The following TRERF1 variants were observed in gnomAD, a reference collection of about 807,000 sequenced individuals.
The protein encoded by TRERF1 is transcriptional regulating factor 1, also known as transcriptional-regulating factor 1.
A neutral mutation model predicts 122.9 loss-of-function variants in TRERF1; 27 were observed. The observed-to-expected ratio is 0.22, with a 90% CI of 0.16 to 0.30. The LOEUF (loss-of-function observed/expected upper bound fraction) is 0.30. Ranked by LOEUF, TRERF1 falls within the 10% of genes least tolerant of loss-of-function variation. The pLI is 1.00. For synonymous variants in TRERF1, 636 were observed against 641.7 expected (o/e 0.99, Z 0.13); for missense variants, 1,248 against 1,560.3 (o/e 0.80, Z 3.37).
chr6:42,322,616 T>C (rs1181889718), intron 3 of TRERF1, among the ~76,000 whole-genome samples: 1 of 151,908 alleles, frequency 6.6e-6, no homozygotes, highest in African/African-American at 2.4e-5. Flanking sequence ...AATAATTTAA[T>C]AAATGAACAA....
At chr6:42,350,614 G>C (rs566985846) in intron 3 of TRERF1, among the ~76,000 whole-genome samples, 5 of 152,084 alleles carry the variant, frequency 3.3e-5, no homozygotes, top group Admixed American at 1.3e-4. Context: ...TCTTGATGAC[G>C]AGTTTAAACC....
At chr6:42,290,087 C>T (rs1437919830) in intron 4 of TRERF1, among the ~76,000 whole-genome samples, 1 of 152,208 alleles carries the variant, frequency 6.6e-6, no homozygotes, top group Non-Finnish European at 1.5e-5. Flanking sequence ...TGAGAACAGG[C>T]AGTCACTGAA....
intron 3 of TRERF1, among the ~76,000 whole-genome samples, chr6:42,328,157 G>A (rs1051381909): frequency 1.3e-5 from 2 of 151,602 alleles, no homozygotes; most frequent in South Asian, 2.1e-4. Context: ...ACAGGTGCAC[G>A]CTACCATGCC....
intron 2 of TRERF1, among the ~76,000 whole-genome samples, chr6:42,378,919 T>G (rs1393634524): frequency 2.6e-5 from 4 of 152,018 alleles, no homozygotes; most frequent in Non-Finnish European, 5.9e-5. Flanking sequence ...AGTTCAAGAC[T>G]AGCCTGGACA....
chr6:42,361,372 A>C (rs1771730320), intron 3 of TRERF1, among the ~76,000 whole-genome samples: 1 of 152,188 alleles, frequency 6.6e-6, no homozygotes, highest in Non-Finnish European at 1.5e-5. Context: ...ATGTGTGTGA[A>C]TCCACAGTCT....
intron 2 of TRERF1, among the ~76,000 whole-genome samples, chr6:42,427,534 A>T (rs916563800): frequency 6.8e-6 from 1 of 146,202 alleles, no homozygotes; most frequent in South Asian, 2.1e-4. Context: ...TACAGGTGTG[A>T]GCCACCTTGC....
At chr6:42,323,025 C>T (rs990925284) in intron 3 of TRERF1, among the ~76,000 whole-genome samples, 39 of 151,766 alleles carry the variant, frequency 2.6e-4, no homozygotes, top group African/African-American at 9.4e-4. Context: ...CCTATTCTCA[C>T]ACTCTCCATT....
intron 4 of TRERF1, among the ~76,000 whole-genome samples, chr6:42,278,971 G>T (rs1422726601): frequency 6.6e-6 from 1 of 152,058 alleles, no homozygotes; most frequent in Non-Finnish European, 1.5e-5. Context: ...ATACCAACTC[G>T]CACTGAGGAC....
intron 4 of TRERF1, among the ~76,000 whole-genome samples, chr6:42,274,424 T>C (rs1291419518): frequency 1.3e-5 from 2 of 152,128 alleles, no homozygotes; most frequent in Non-Finnish European, 2.9e-5. Context: ...CCTGTAATCC[T>C]AGCACTTTGG....
chr6:42,433,703 T>G (rs908951471), intron 2 of TRERF1, among the ~76,000 whole-genome samples: 22 of 152,188 alleles, frequency 1.4e-4, no homozygotes, highest in African/African-American at 3.9e-4. Context: ...ATCCAAATAT[T>G]GAAGTTGTCA....
chr6:42,256,859 A>G, intron 11 of TRERF1, 28 bp from the exon 12 acceptor site: 1 of 1,613,738 alleles, frequency 6.2e-7, no homozygotes, highest in Non-Finnish European at 8.5e-7. Flanking sequence ...AAGCCAATGC[A>G]TCAGAGAGAG....
chr6:42,234,623 G>C (rs1771669606), intron 16 of TRERF1, among the ~76,000 whole-genome samples: 1 of 152,138 alleles, frequency 6.6e-6, no homozygotes, highest in Non-Finnish European at 1.5e-5. Context: ...TTACAGGCGT[G>C]AGCCACCGCG....
chr6:42,414,776 C>T (rs761716990), intron 2 of TRERF1, among the ~76,000 whole-genome samples: 1 of 152,186 alleles, frequency 6.6e-6, no homozygotes, highest in African/African-American at 2.4e-5. Flanking sequence ...ATTTTATTGA[C>T]GCACTAAAGG....
intron 3 of TRERF1, among the ~76,000 whole-genome samples, chr6:42,305,250 T>G (rs1348000950): frequency 6.6e-6 from 1 of 152,166 alleles, no homozygotes; most frequent in African/African-American, 2.4e-5. Context: ...GTAGAAATCT[T>G]ATCTCCTTCC....
intron 4 of TRERF1, among the ~76,000 whole-genome samples, chr6:42,295,080 C>T (rs28385590): frequency 0.13 from 19,235 of 152,118 alleles, 1,223 homozygotes; most frequent in African/African-American, 0.15. Flanking sequence ...CTCGGCTGGG[C>T]TGGAAATGTC....
At chr6:42,449,830 C>T (rs1041435145) in intron 2 of TRERF1, among the ~76,000 whole-genome samples, 16 of 152,196 alleles carry the variant, frequency 1.1e-4, no homozygotes, top group Admixed American at 9.2e-4. Context: ...AAGCACTCTC[C>T]ATCAGCAATG....
At chr6:42,301,211 T>C (rs1023287543) in intron 3 of TRERF1, among the ~76,000 whole-genome samples, 3 of 113,714 alleles carry the variant, frequency 2.6e-5, no homozygotes, top group African/African-American at 1.3e-4. Context: ...GAAGAACCAG[T>C]TGTTTTGTTT....
chr6:42,230,559 G>A (rs1299954301), intron 17 of TRERF1, among the ~76,000 whole-genome samples: 7 of 152,086 alleles, frequency 4.6e-5, no homozygotes, highest in African/African-American at 7.2e-5. Flanking sequence ...GCCACTCCAG[G>A]ACAAATAAGC....
chr6:42,236,311 G>C (rs375818850), exon 16 of TRERF1: 3 of 1,605,182 alleles, frequency 1.9e-6, no homozygotes, highest in Admixed American at 3.4e-5. Context: ...TGGTGGCTCC[G>C]GGGACTTCGG....
Sources: allele counts gnomAD v4.1 joint callset (sites outside exome capture counted in the v4.1 genomes callset), GRCh38; gene constraint gnomAD v4.1.1; transcripts MANE v1.5; gene names NCBI Gene and HGNC (gene_info 2026-07-23, HGNC 2026-07-21).